Variants in CRADD observed in about 807,000 individuals in gnomAD.
The protein encoded by CRADD is CARD and death domain containing adaptor protein, also known as death domain-containing protein CRADD.
Under a neutral mutation model 15.5 loss-of-function variants are expected in CRADD, and 9 were observed. The observed-to-expected ratio is 0.58, with a 90% CI of 0.35 to 1.01. The LOEUF (loss-of-function observed/expected upper bound fraction) is 1.01. Ranked by LOEUF, CRADD falls within the 50% of genes least tolerant of loss-of-function variation. The pLI is 0.02. For synonymous variants in CRADD, 118 were observed against 107.6 expected, an observed-to-expected ratio of 1.10 and a Z score of -0.60; for missense variants, 227 against 250.3, an observed-to-expected ratio of 0.91 and a Z score of 0.63.
intron 2 of CRADD, among the ~76,000 whole-genome samples, chr12:93,739,433 G>T (rs1202197160): frequency 6.6e-6 from 1 of 151,414 alleles, no homozygotes; most frequent in East Asian, 1.9e-4. Context: ...ATGCTGATGG[G>T]CTAAATTTGC....
chr12:93,850,131 C>A lies in CRADD; in HGVS notation c.460C>A (p.His154Asn), dbSNP rs766702926. The change falls in exon 3 of 3, where the codon CAC (histidine) becomes AAC (asparagine). Residue 154 changes from histidine (H) to asparagine (N), a missense_variant. Physicochemically the swap from His to Asn is moderately conservative, Grantham distance 68 (BLOSUM62 1). Transcript: ENST00000332896. The surrounding 1 kb of genome is among the most constrained non-coding windows in gnomAD (Gnocchi z 4.0). The stretch of plus-strand genomic sequence containing the variant: ...CTACCGCTGTAAGGCCAACCACCCC[C>A]ACAACGTGCAGTCGCAGGTGGTGGA... ...DIYRCKANHP[H>N]NVQSQVVEAF... 7.4e-6 allele frequency: 12 copies of A among 1,614,168 alleles called. 1 individual carries two copies. The highest frequency in any genetic ancestry group is 4.4e-5 in the South Asian group (4 of 91,084).
rs1286378762 is a variant in CRADD, at chr12:93,829,935, G to T, written c.299-20035G>T. Among the ~76,000 whole-genome samples, 6 of 152,094 alleles carry T rather than the reference G, an allele frequency of 3.9e-5. No homozygotes were observed. The South Asian group carries it at 8.3e-4, about 21-fold the overall frequency. ...CTGAACTCCTGACCTCAGGCAATCC[G>T]CCCACCTCGGCCTCCCAAAGTGCTA... On this transcript the variant is annotated intron_variant, in intron 2 of 2. Transcript: ENST00000332896.
chr12:93,833,498 C>T (rs1957933711), intron 2 of CRADD, among the ~76,000 whole-genome samples: 1 of 152,090 alleles, frequency 6.6e-6, no homozygotes, highest in African/African-American at 2.4e-5. Context: ...ACTACCATGC[C>T]TGGCTAATTT....
At chr12:93,679,096 G>T in intron 2 of CRADD, 24 bp downstream of exon 2, 1 of 1,576,284 alleles carries the variant, frequency 6.3e-7, no homozygotes, top group South Asian at 1.1e-5. Flanking sequence ...AGATCACTTT[G>T]AACCAGCTCC....
intron 2 of CRADD, among the ~76,000 whole-genome samples, chr12:93,764,389 A>AT (rs1446772783): frequency 6.6e-6 from 1 of 152,018 alleles, no homozygotes; most frequent in African/African-American, 2.4e-5. Flanking sequence ...GATGTGGGAG[A>AT]TGAGAGAGAA....
At chr12:93,893,660 C>T (rs1392694252) in intron 2 of CRADD, among the ~76,000 whole-genome samples, 1 of 152,158 alleles carries the variant, frequency 6.6e-6, no homozygotes, top group Non-Finnish European at 1.5e-5. Context: ...AATCCCAACA[C>T]TTTGGGAGGC....
intron 2 of CRADD, among the ~76,000 whole-genome samples, chr12:93,760,938 C>T (rs966671857): frequency 2.0e-5 from 3 of 151,696 alleles, no homozygotes; most frequent in Admixed American, 6.6e-5. Flanking sequence ...AAGGGGAAGA[C>T]TGGTTCAAGC....
intron 2 of CRADD, among the ~76,000 whole-genome samples, chr12:93,839,959 G>T (rs1958028055): frequency 1.3e-5 from 2 of 152,144 alleles, no homozygotes; most frequent in Non-Finnish European, 2.9e-5. Flanking sequence ...CTGACCACAG[G>T]CCATAAAGAT....
chr12:93,713,574 A>G (rs1956111418), intron 2 of CRADD, among the ~76,000 whole-genome samples: 1 of 152,148 alleles, frequency 6.6e-6, no homozygotes, highest in Non-Finnish European at 1.5e-5. Context: ...CTAATACAAT[A>G]TAAATGCTTT....
intron 2 of CRADD, among the ~76,000 whole-genome samples, chr12:93,833,645 C>G (rs1347874265): frequency 6.6e-6 from 1 of 152,160 alleles, no homozygotes; most frequent in African/African-American, 2.4e-5. Flanking sequence ...GCTATACACA[C>G]TAATTTTTAA....
intron 2 of CRADD, among the ~76,000 whole-genome samples, chr12:93,838,214 G>GTTTTTTT (rs66564800): frequency 6.9e-5 from 9 of 130,592 alleles, no homozygotes; most frequent in African/African-American, 1.2e-4. Context: ...TCCTTTTGAG[G>GTTTTTTT]TTTTTTTTTT....
chr12:93,835,598 A>G lies in CRADD; in HGVS notation c.299-14372A>G, dbSNP rs191813655. ...TGATGGATTATATTTTTTCTCCTCT[A>G]TGTCTATCATTTTTCTCTGTAAGTT... On this transcript the variant is annotated intron_variant, in intron 2 of 2. Transcript: ENST00000332896. Among the ~76,000 whole-genome samples, 11 of 152,088 alleles carry G rather than the reference A, an allele frequency of 7.2e-5. No individual in the cohort carries two copies. In the East Asian group the frequency reaches 2.1e-3, roughly 29 times the overall value.
At chr12:93,882,420 C>CA (rs564407219) in intron 2 of CRADD, among the ~76,000 whole-genome samples, 7,658 of 64,574 alleles carry the variant, frequency 0.12, 401 homozygotes, top group African/African-American at 0.15. Context: ...GACTCTGTCT[C>CA]AAAAAAAAAA....
intron 2 of CRADD, among the ~76,000 whole-genome samples, chr12:93,889,214 G>T (rs1396161419): frequency 4.6e-5 from 7 of 152,114 alleles, no homozygotes; most frequent in Admixed American, 4.6e-4. Context: ...ATTAAAACAG[G>T]ACATTCATTA....
In CRADD at chr12:93,757,942, A is replaced by C. The variant is rs530680734; in HGVS notation, c.298+78870A>C. Among the ~76,000 whole-genome samples the C allele has an allele frequency of 2.5e-4, 38 of 152,336 alleles. 3 individuals carry two copies. Among genetic ancestry groups the C allele is most frequent in the Admixed American group, 2.2e-3 (34 of 15,302 alleles). The stretch of plus-strand genomic sequence containing the variant: ...GGACAATGGCTTGGACAAGGGTGGC[A>C]GTGGTGCAGATAGAAAAGGGTGGTT... On this transcript the variant is annotated intron_variant, in intron 2 of 2. Coordinates refer to ENST00000332896, the MANE Select transcript of CRADD (RefSeq NM_003805.5).
chr12:93,762,090 C>G (rs552311953), intron 2 of CRADD, among the ~76,000 whole-genome samples: 39 of 152,268 alleles, frequency 2.6e-4, no homozygotes, highest in Non-Finnish European at 2.2e-4. Flanking sequence ...AATAAATTTG[C>G]AAAGGCTAAT....
intron 2 of CRADD, among the ~76,000 whole-genome samples, chr12:93,753,915 A>G (rs1159598959): frequency 6.6e-6 from 1 of 152,138 alleles, no homozygotes; most frequent in Non-Finnish European, 1.5e-5. Flanking sequence ...TCACAGCTCT[A>G]CTAGGAAGTG....
intron 2 of CRADD, among the ~76,000 whole-genome samples, chr12:93,774,227 T>C (rs993108887): frequency 6.6e-6 from 1 of 152,194 alleles, no homozygotes; most frequent in African/African-American, 2.4e-5. Context: ...CATCACTATG[T>C]AGTTCACCAC....
chr12:93,887,349 G>A lies in CRADD; in HGVS notation c.299-6701G>A, dbSNP rs150359735. On this transcript the variant is annotated intron_variant, in intron 2 of 2. Transcript: ENST00000548483. ...CAGGCTTTTATCAGATATTGCCGTCGGCAGATCTCAATGCCAGGGCCGCTA... is the reference window on the plus strand; with the variant it reads ...CAGGCTTTTATCAGATATTGCCGTCAGCAGATCTCAATGCCAGGGCCGCTA... Among the ~76,000 whole-genome samples, 232 of 152,256 alleles carry A rather than the reference G, an allele frequency of 1.5e-3. 1 individual carries two copies. Among genetic ancestry groups the A allele is most frequent in the African/African-American group, 5.2e-3 (214 of 41,552 alleles).
Sources: gnomAD v4.1 joint callset for allele counts (sites outside exome capture counted in the v4.1 genomes callset) on GRCh38, gnomAD v4.1.1 for gene constraint, Gnocchi (gnomAD v3.1) non-coding constraint, MANE v1.5 for transcripts, NCBI Gene and HGNC (gene_info 2026-07-23, HGNC 2026-07-21) for gene names.